Variants in HTT observed in about 807,000 individuals in gnomAD.
HTT encodes the protein huntington disease protein.
A neutral mutation model predicts 362.3 loss-of-function variants in HTT; 104 were observed. The ratio of observed to expected loss-of-function variants is 0.29; its 90% CI spans 0.24 to 0.34. The LOEUF (loss-of-function observed/expected upper bound fraction) is 0.34. Ranked by LOEUF, HTT falls within the 10% of genes least tolerant of loss-of-function variation. HTT has a pLI of 1.00. For synonymous variants in HTT, 1,577 were observed against 1,548.7 expected, an observed-to-expected ratio of 1.02 and a Z score of -0.43; for missense variants, 3,301 against 3,928.6, an observed-to-expected ratio of 0.84 and a Z score of 4.27.
intron 2 of HTT, 96 bp downstream of exon 2, chr4:3,087,118 T>TG (rs779040194): frequency 1.1e-5 from 7 of 649,266 alleles, no homozygotes; most frequent in African/African-American, 1.8e-5. Context: ...CTATTTTAAA[T>TG]GGATTCAGAA....
intron 2 of HTT, among the ~76,000 whole-genome samples, chr4:3,087,408 G>C (rs1713263742): frequency 6.6e-6 from 1 of 152,190 alleles, no homozygotes; most frequent in Non-Finnish European, 1.5e-5. Context: ...TTGGCAGTTT[G>C]CTGTCCTATT....
At chr4:3,219,961 G>A (rs1323876881) in intron 52 of HTT, among the ~76,000 whole-genome samples, 1 of 152,184 alleles carries the variant, frequency 6.6e-6, no homozygotes, top group Admixed American at 6.5e-5. Flanking sequence ...GATGAGGACA[G>A]GAAGTGGGAG....
intron 24 of HTT, among the ~76,000 whole-genome samples, chr4:3,145,479 G>A (rs1013049501): frequency 3.9e-5 from 6 of 152,076 alleles, no homozygotes; most frequent in Admixed American, 2.0e-4. Flanking sequence ...TTCATTTAAG[G>A]GAATTTTCAT....
Position 3,130,428 on chromosome 4 carries a change from G to C in HTT, c.1986+5G>C. 1 of 1,513,724 alleles carries C rather than the reference G, an allele frequency of 6.6e-7. No homozygotes were observed. Among genetic ancestry groups the C allele is most frequent in the Non-Finnish European group, 9.1e-7 (1 of 1,097,906 alleles). 93.8% of individuals were successfully genotyped at this position (1,513,724 alleles called of 1,614,324 possible). A position where few individuals can be genotyped will look rare whatever the true frequency, so the allele number is the denominator to read the frequency against. On this transcript the variant is annotated splice_donor_5th_base_variant and intron_variant, in intron 14 of 66. Transcript: ENST00000355072. ...CCGGGTGATCAAGAAAACAAGGTGAGGGACATAGGCTTGAGACGACTTGGT... is the reference window on the plus strand; with the variant it reads ...CCGGGTGATCAAGAAAACAAGGTGACGGACATAGGCTTGAGACGACTTGGT...
intron 41 of HTT, among the ~76,000 whole-genome samples, chr4:3,202,713 T>C (rs1719641454): frequency 6.6e-6 from 1 of 152,062 alleles, no homozygotes; most frequent in Non-Finnish European, 1.5e-5. Flanking sequence ...CAGAAGGCCA[T>C]AGAAATAGAA....
chr4:3,167,795 G>A (rs7678336), intron 29 of HTT, among the ~76,000 whole-genome samples: 5,423 of 152,212 alleles, frequency 0.036, 290 homozygotes, highest in African/African-American at 0.12. Flanking sequence ...AAGATAATAA[G>A]CTCATCTCTG....
intron 8 of HTT, among the ~76,000 whole-genome samples, chr4:3,120,571 C>T (rs886673252): frequency 6.6e-6 from 1 of 152,324 alleles, no homozygotes; most frequent in African/African-American, 2.4e-5. Flanking sequence ...TGAGCACCGC[C>T]TCCTGTCAGA....
intron 1 of HTT, among the ~76,000 whole-genome samples, chr4:3,085,076 T>C (rs1713136304): frequency 6.6e-6 from 1 of 151,844 alleles, no homozygotes; most frequent in South Asian, 2.1e-4. Flanking sequence ...ATGCCCCTCC[T>C]TACGCTTGTG....
chr4:3,104,392 TGA>T (rs1430169393), intron 4 of HTT, among the ~76,000 whole-genome samples: 2 of 151,728 alleles, frequency 1.3e-5, no homozygotes, highest in Admixed American at 1.3e-4. Flanking sequence ...GGTGATCACC[TGA>T]GATCAGGAGT....
chr4:3,116,689 A>C (rs1715045097), intron 8 of HTT, among the ~76,000 whole-genome samples: 1 of 152,168 alleles, frequency 6.6e-6, no homozygotes, highest in Non-Finnish European at 1.5e-5. Context: ...GCACGGTGGT[A>C]TATGCTCACT....
At chr4:3,232,691 G>A (rs1046343279) in intron 60 of HTT, among the ~76,000 whole-genome samples, 2 of 152,246 alleles carry the variant, frequency 1.3e-5, no homozygotes. Context: ...GCGATGTCCC[G>A]AGGACACCAG....
rs528326466 is a variant in HTT at position 3,217,877 on chromosome 4, G to A, written c.7167G>A (p.Thr2389=). 43 of 1,614,156 alleles carry A rather than the reference G, an allele frequency of 2.7e-5. No individual in the cohort carries two copies. Among genetic ancestry groups the A allele is most frequent in the Admixed American group, 1.5e-4 (9 of 60,022 alleles). Residue 2389 remains threonine (T), a synonymous_variant, in exon 52 of 67, where the codon ACG becomes ACA. Coordinates refer to ENST00000355072, the MANE Select transcript of HTT (RefSeq NM_001388492.1). ...ATAGCGGCGTGCCGGCGTTTCTCAC[G>A]CCATTGCTAAGGAACATCATCATCA... The part of the protein sequence containing the change: ...KRNSGVPAFL[T]PLLRNIIISL...
chr4:3,159,471 T>C (rs1301349957), intron 28 of HTT, among the ~76,000 whole-genome samples: 1 of 152,216 alleles, frequency 6.6e-6, no homozygotes, highest in African/African-American at 2.4e-5. Flanking sequence ...CCTCGTTCCT[T>C]GGACCCTCAG....
chr4:3,220,181 G>A lies in HTT; in HGVS notation c.7243-1G>A. 6.2e-7 allele frequency: 1 copy of A among 1,614,172 alleles called. No homozygotes were observed. The highest frequency in any genetic ancestry group is 8.5e-7 in the Non-Finnish European group (1 of 1,180,020). On this transcript the variant is annotated splice_acceptor_variant, in intron 52 of 66. Coordinates refer to ENST00000355072, the MANE Select transcript of HTT (RefSeq NM_001388492.1). LOFTEE classifies it high-confidence loss of function. ...ATGTCACTTCCTTTTCATCTTCTCA[G>A]GTGTGGAAGCTTGGATGGTCACCCA...
intron 22 of HTT, among the ~76,000 whole-genome samples, chr4:3,142,252 CTG>C (rs1416522328): frequency 3.3e-5 from 5 of 152,200 alleles, no homozygotes; most frequent in Admixed American, 1.3e-4. Context: ...GGACAAGACA[CTG>C]TGAGGGATAC....
intron 59 of HTT, among the ~76,000 whole-genome samples, chr4:3,229,540 CCACA>C (rs531881241): frequency 9.3e-5 from 14 of 150,264 alleles, no homozygotes; most frequent in Admixed American, 2.6e-4. Context: ...CACACACATG[CCACA>C]CACACATGCA....
intron 8 of HTT, among the ~76,000 whole-genome samples, chr4:3,120,008 T>C (rs959364827): frequency 2.0e-5 from 3 of 152,234 alleles, no homozygotes; most frequent in South Asian, 4.1e-4. Flanking sequence ...GGTGAAACTT[T>C]AGGTACAAAA....
At chr4:3,213,858 G>A in intron 49 of HTT, 100 bp from the exon 50 acceptor site, 1 of 1,087,372 alleles carries the variant, frequency 9.2e-7, no homozygotes, top group Non-Finnish European at 1.3e-6. Context: ...TGGACGCGCT[G>A]CCCCTCAGTG....
chr4:3,223,393 G>C lies in HTT; in HGVS notation c.7471-13G>C, dbSNP rs748192191. ...TCTTGCTGCTCTTGTTGACATGTGGGCTCTCCTTCCAGGAAGACACAGAGA... is the reference window on the plus strand; with the variant it reads ...TCTTGCTGCTCTTGTTGACATGTGGCCTCTCCTTCCAGGAAGACACAGAGA... On this transcript the variant is annotated splice_polypyrimidine_tract_variant and intron_variant, in intron 54 of 66. Transcript: ENST00000355072. 1.3e-6 allele frequency: 2 copies of C among 1,565,498 alleles called. No homozygotes were observed. The highest frequency in any genetic ancestry group is 4.6e-5 in the East Asian group (2 of 43,464).
Sources: allele counts gnomAD v4.1 joint callset (sites outside exome capture counted in the v4.1 genomes callset), GRCh38; gene constraint gnomAD v4.1.1; transcripts MANE v1.5; gene names NCBI Gene and HGNC (gene_info 2026-07-23, HGNC 2026-07-21).